OR13C3: variants seen among roughly 807,000 people sequenced by gnomAD.
OR13C3 encodes olfactory receptor 13C3.
In OR13C3, 19 loss-of-function variants were observed where a neutral mutation model predicts 14.4. The ratio of observed to expected loss-of-function variants is 1.31; its 90% CI spans 0.92 to 1.93. The LOEUF (loss-of-function observed/expected upper bound fraction) is 1.93. Ranked by LOEUF, OR13C3 falls within the 30% of genes most tolerant of loss-of-function variation. OR13C3 has a pLI of 0.00. For synonymous variants in OR13C3, 140 were observed against 142.5 expected (o/e 0.98, Z 0.12); for missense variants, 394 against 381.4 (o/e 1.03, Z -0.27).
Position 104,536,504 on chromosome 9 carries a change from T to C in OR13C3, c.220A>G (p.Thr74Ala), listed in dbSNP as rs1311480060. 1 of 1,614,042 alleles carries C rather than the reference T, an allele frequency of 6.2e-7. No homozygotes were observed. The highest frequency in any genetic ancestry group is 2.2e-5 in the East Asian group (1 of 44,890). Residue 74 changes from threonine (T) to alanine (A), a missense_variant, in exon 1 of 1, where the codon ACA becomes GCA. By Grantham distance (58) the Thr-to-Ala change is moderately conservative. Transcript: ENST00000641090. ...AATGTTGAGGGAACAGAGGAGGATG[T>C]ATAGCAGATATCCAGGAAAGAGAGG...
rs763006507 is a variant in OR13C3 at position 104,536,008 on chromosome 9, GA to G, written c.715del (p.Ser239ProfsTer7). On this transcript the variant is annotated frameshift_variant, in exon 1 of 1. Transcript: ENST00000641090. LOFTEE classifies it high-confidence loss of function. The stretch of plus-strand genomic sequence containing the variant: ...CACAGTCAGGTGAGCTGAGCACGTG[GA>G]AAATGCCTTGCGTCTTCCTGTGGCT... The G allele has an allele frequency of 6.2e-7, 1 of 1,614,038 alleles. No homozygotes were observed. The highest frequency in any genetic ancestry group is 8.5e-7 in the Non-Finnish European group (1 of 1,179,942).
chr9:104,536,421 C>T, exon 1 of OR13C3: 4 of 1,614,152 alleles, frequency 2.5e-6, no homozygotes, highest in Non-Finnish European at 3.4e-6. Context: ...ACCCAAAGAA[C>T]ATCTGCACTG....
At chr9:104,535,982 C>A in exon 1 of OR13C3, 1 of 1,613,800 alleles carries the variant, frequency 6.2e-7, no homozygotes, top group Non-Finnish European at 8.5e-7. Context: ...AATATGATCA[C>A]CACAGTCAGG....
At chr9:104,536,816 T>C (rs1239858129) in exon 1 of OR13C3, 1 of 1,601,012 alleles carries the variant, frequency 6.2e-7, no homozygotes, top group Non-Finnish European at 8.5e-7. Flanking sequence ...ACAATCATTC[T>C]TTTGACACAT....
exon 1 of OR13C3, chr9:104,536,100 AACC>A (rs1434075683): frequency 6.2e-7 from 1 of 1,614,006 alleles, no homozygotes; most frequent in South Asian, 1.1e-5. Flanking sequence ...TCAGTGGAAG[AACC>A]AGGAAGGCCA....
At chr9:104,536,599 T>C (rs74353714) in exon 1 of OR13C3, 83 of 1,613,930 alleles carry the variant, frequency 5.1e-5, no homozygotes, top group Middle Eastern at 1.6e-4. Flanking sequence ...TAGAACACCA[T>C]TGCCAATTAG....
chr9:104,536,766 T>C (rs1268474152), exon 1 of OR13C3: 2 of 1,613,710 alleles, frequency 1.2e-6, no homozygotes, highest in Admixed American at 1.7e-5. Context: ...TAACATGAAA[T>C]GTATTTACTG....
rs752743834 is a variant in OR13C3 at position 104,536,181 on chromosome 9, T to C, written c.543A>G (p.Ile181Met). 18 of 1,613,996 alleles carry C rather than the reference T, an allele frequency of 1.1e-5. No homozygotes were observed. In the South Asian group the frequency reaches 1.8e-4, roughly 16 times the overall value. ...CACAGGCCAGCTTGAGGACAGCTAA[T>C]ATTTCACATGCGAAATGATTGATAA... The change falls in exon 1 of 1, where the codon ATA becomes ATG. Residue 181 changes from isoleucine to methionine, a missense_variant. Transcript: ENST00000641090.
In OR13C3 at chr9:104,535,897, A is replaced by G. The variant is rs201378332; in HGVS notation, c.827T>C (p.Leu276Ser). The change falls in exon 1 of 1, where the codon TTA becomes TCA. Residue 276 changes from leucine to serine, a missense_variant. Transcript: ENST00000641090. The stretch of plus-strand genomic sequence containing the variant: ...ATAAAACAGAGAAATGAGCTTGTCT[A>G]ATGCTTGCAATTTTTCTTCCCCAAT... 33 of 1,613,874 alleles carry G rather than the reference A, an allele frequency of 2.0e-5. No homozygotes were observed. In the African/African-American group the frequency reaches 3.9e-4, roughly 19 times the overall value.
In OR13C3 at chr9:104,536,106, GA is replaced by G; in HGVS notation, c.617del (p.Phe206SerfsTer6). On this transcript the variant is annotated frameshift_variant, in exon 1 of 1. Coordinates refer to ENST00000641090, the Ensembl canonical transcript of OR13C3. LOFTEE classifies it high-confidence loss of function. Reference sequence around the variant, plus strand: ...AAATGACCATCAGTGGAAGAACCAGGAAGGCCATATTTGATATCACCATGGT... The same window carrying G: ...AAATGACCATCAGTGGAAGAACCAGGAGGCCATATTTGATATCACCATGGT... 6.2e-7 allele frequency: 1 copy of G among 1,613,936 alleles called. No individual in the cohort carries two copies. Among genetic ancestry groups the G allele is most frequent in the Non-Finnish European group, 8.5e-7 (1 of 1,179,878 alleles).
exon 1 of OR13C3, chr9:104,536,162 C>G: frequency 6.2e-7 from 1 of 1,613,968 alleles, no homozygotes. Context: ...TCAGCACAGG[C>G]CAGCTTGAGG....
exon 1 of OR13C3, chr9:104,535,975 A>G (rs766078995): frequency 1.2e-6 from 2 of 1,613,886 alleles, no homozygotes; most frequent in South Asian, 1.1e-5. Context: ...ACCGTAAAAT[A>G]TGATCACCAC....
In OR13C3 at chr9:104,536,130, G is replaced by T. The variant is rs147753348; in HGVS notation, c.594C>A (p.Thr198=). Residue 198 remains threonine, a synonymous_variant, in exon 1 of 1, where the codon ACC becomes ACA. Transcript: ENST00000641090. The stretch of plus-strand genomic sequence containing the variant: ...GGAAGGCCATATTTGATATCACCAT[G>T]GTGATAATATTGAGGGATATATCAG... The T allele has an allele frequency of 2.1e-4, 343 of 1,613,632 alleles. 3 individuals are homozygous for T. The African/African-American group carries it at 3.2e-3, about 15-fold the overall frequency.
rs1564208869 is a variant in OR13C3 at position 104,536,698 on chromosome 9, AC to A, written c.25del (p.Val9CysfsTer24). 1 of 1,614,042 alleles carries A rather than the reference AC, an allele frequency of 6.2e-7. No homozygotes were observed. The highest frequency in any genetic ancestry group is 8.5e-7 in the Non-Finnish European group (1 of 1,179,934). On this transcript the variant is annotated frameshift_variant, in exon 1 of 1. Transcript: ENST00000641090. LOFTEE classifies it high-confidence loss of function. ...AAGACCCAGAAGAAGAAATTCTGAC[AC>A]AAGTGTCTGGTTAATCTCACCCATG... is the stretch of plus-strand genomic sequence containing the variant.
chr9:104,536,566 G>C, exon 1 of OR13C3: 1 of 1,614,086 alleles, frequency 6.2e-7, no homozygotes, highest in Non-Finnish European at 8.5e-7. Context: ...GTGAAAATGA[G>C]AATCAAAGAT....
exon 1 of OR13C3, chr9:104,536,515 T>C (rs1828819227): frequency 3.1e-6 from 5 of 1,614,004 alleles, no homozygotes; most frequent in Non-Finnish European, 4.2e-6. Flanking sequence ...ATAGCAGATA[T>C]CCAGGAAAGA....
At chr9:104,536,400 C>A in exon 1 of OR13C3, 1 of 1,614,088 alleles carries the variant, frequency 6.2e-7, no homozygotes, top group Non-Finnish European at 8.5e-7. Context: ...ATTCTGTTGA[C>A]CCCATTGCAA....
At position 104,535,889 on chromosome 9, in the gene OR13C3, G is replaced by A. The variant is rs762302952; in HGVS notation, c.835C>T (p.Leu279Phe). Residue 279 changes from leucine (L) to phenylalanine (F), a missense_variant, in exon 1 of 1, where the codon CTC becomes TTC. By Grantham distance (22) the Leu-to-Phe change is conservative. Transcript: ENST00000641090. ...ACTACCCCATAAAACAGAGAAATGA[G>A]CTTGTCTAATGCTTGCAATTTTTCT... The A allele has an allele frequency of 1.9e-6, 3 of 1,613,474 alleles. No individual in the cohort carries two copies. In the East Asian group the frequency reaches 6.7e-5, roughly 36 times the overall value.
At position 104,536,106 on chromosome 9, in the gene OR13C3, G is replaced by A. The variant is rs778293000; in HGVS notation, c.618C>T (p.Phe206=). 1.1e-5 allele frequency: 17 copies of A among 1,613,818 alleles called. No homozygotes were observed. In the Admixed American group the frequency reaches 2.7e-4, roughly 25 times the overall value. The stretch of plus-strand genomic sequence containing the variant: ...AAATGACCATCAGTGGAAGAACCAG[G>A]AAGGCCATATTTGATATCACCATGG... Residue 206 remains phenylalanine, a synonymous_variant, in exon 1 of 1, where the codon TTC becomes TTT. Coordinates refer to ENST00000641090, the Ensembl canonical transcript of OR13C3.
Sources: allele counts gnomAD v4.1 joint callset, GRCh38; gene constraint gnomAD v4.1.1; transcripts MANE v1.5; gene names NCBI Gene and HGNC (gene_info 2026-07-23, HGNC 2026-07-21).